The following COL24A1 variants were observed in gnomAD, a reference collection of about 807,000 sequenced individuals.
The protein encoded by COL24A1 is collagen type XXIV alpha 1 chain.
A neutral mutation model predicts 253.9 loss-of-function variants in COL24A1; 224 were observed. The observed-to-expected ratio is 0.88, with a 90% CI of 0.79 to 0.99. COL24A1 has a LOEUF of 0.99. Ranked by LOEUF, COL24A1 falls within the 50% of genes least tolerant of loss-of-function variation. The probability of loss-of-function intolerance (pLI) is 0.00; values close to 1 mark genes in which losing one functional copy is unlikely to be tolerated. For missense variants in COL24A1, 2,131 were observed against 2,068.5 expected (o/e 1.03, Z -0.59); for synonymous variants, 685 against 673.7 (o/e 1.02, Z -0.26).
At chr1:85,860,810 CA>C (rs769551701) in intron 37 of COL24A1, among the ~76,000 whole-genome samples, 70 of 152,314 alleles carry the variant, frequency 4.6e-4, no homozygotes, top group South Asian at 3.3e-3. Flanking sequence ...TTTCATTTAG[CA>C]TAATGTTTTC....
At chr1:85,897,425 AAAAG>A (rs1683855096) in intron 28 of COL24A1, among the ~76,000 whole-genome samples, 1 of 152,116 alleles carries the variant, frequency 6.6e-6, no homozygotes, top group South Asian at 2.1e-4. Context: ...TGAAGAAAAA[AAAAG>A]AAATAAAGTT....
At chr1:85,851,019 A>ATC (rs1677709484) in intron 37 of COL24A1, among the ~76,000 whole-genome samples, 5 of 122,258 alleles carry the variant, frequency 4.1e-5, no homozygotes, top group Admixed American at 2.5e-4. Context: ...ATATATATAT[A>ATC]TCTACATATA....
At chr1:85,999,996 A>G (rs1452118762) in intron 19 of COL24A1, among the ~76,000 whole-genome samples, 1 of 152,204 alleles carries the variant, frequency 6.6e-6, no homozygotes, top group Non-Finnish European at 1.5e-5. Flanking sequence ...CTCTGTGCCA[A>G]CACACAAAAA....
At chr1:85,845,211 CTT>C (rs375874511) in intron 39 of COL24A1, among the ~76,000 whole-genome samples, 97 of 151,880 alleles carry the variant, frequency 6.4e-4, no homozygotes, top group African/African-American at 2.3e-3. Context: ...GTTGATTCAA[CTT>C]TTGGAAATCT....
chr1:85,768,630 A>T (rs1449688847), intron 53 of COL24A1, among the ~76,000 whole-genome samples: 1 of 151,980 alleles, frequency 6.6e-6, no homozygotes, highest in African/African-American at 2.4e-5. Flanking sequence ...AGAATCACAC[A>T]TATTCAGATC....
intron 55 of COL24A1, among the ~76,000 whole-genome samples, chr1:85,757,286 C>T (rs1666365874): frequency 6.6e-6 from 1 of 152,092 alleles, no homozygotes; most frequent in African/African-American, 2.4e-5. Context: ...TATCCTACTT[C>T]TGGCAATTTG....
chr1:85,965,195 T>C, intron 22 of COL24A1, 133 bp from the exon 23 acceptor site: 2 of 669,928 alleles, frequency 3.0e-6, no homozygotes, highest in Non-Finnish European at 4.9e-6. Flanking sequence ...ATAAATGTAT[T>C]TCATCATACT....
intron 31 of COL24A1, among the ~76,000 whole-genome samples, chr1:85,894,792 G>A (rs551314453): frequency 6.6e-6 from 1 of 152,096 alleles, no homozygotes; most frequent in African/African-American, 2.4e-5. Context: ...TTCTGTCTTA[G>A]GTCTCTGGTA....
chr1:85,736,251 T>C (rs759537572), intron 58 of COL24A1: 14 of 454,714 alleles, frequency 3.1e-5, no homozygotes, highest in Middle Eastern at 3.2e-4. Context: ...CCAAGTCTAC[T>C]GTTCATCCCA....
At position 86,048,882 on chromosome 1, in the gene COL24A1, G is replaced by C. The variant is rs532879826; in HGVS notation, c.1905+1242C>G. Among the ~76,000 whole-genome samples the C allele has an allele frequency of 2.0e-5, 3 of 152,290 alleles. No homozygotes were observed. The East Asian group carries it at 5.8e-4, about 29-fold the overall frequency. ...TGGCCAGTGTCAACACTGGGCTTAA[G>C]ATCATTAAATCCAAGATGACAACAT... On this transcript the variant is annotated intron_variant, in intron 11 of 59. Transcript: ENST00000370571.
intron 47 of COL24A1, among the ~76,000 whole-genome samples, chr1:85,813,109 A>T (rs777443680): frequency 1.3e-5 from 2 of 151,826 alleles, no homozygotes; most frequent in Non-Finnish European, 2.9e-5. Flanking sequence ...TAGCAATATG[A>T]ATGTATCTTT....
intron 52 of COL24A1, among the ~76,000 whole-genome samples, chr1:85,778,651 C>A (rs1461174157): frequency 7.0e-6 from 1 of 143,794 alleles, no homozygotes; most frequent in Admixed American, 7.2e-5. Flanking sequence ...ATTGCCCAGG[C>A]TGGAGTGCAA....
At chr1:85,966,343 A>G (rs1691569875) in intron 22 of COL24A1, among the ~76,000 whole-genome samples, 1 of 152,136 alleles carries the variant, frequency 6.6e-6, no homozygotes, top group East Asian at 1.9e-4. Flanking sequence ...CTAAATGGAG[A>G]GATCTTGTGG....
intron 5 of COL24A1, among the ~76,000 whole-genome samples, chr1:86,110,624 G>C (rs1424511154): frequency 6.6e-6 from 1 of 152,062 alleles, no homozygotes; most frequent in African/African-American, 2.4e-5. Context: ...TTCCGGGTGG[G>C]CACAGGCTTG....
At chr1:85,816,728 G>A in intron 47 of COL24A1, 60 bp downstream of exon 47, 1 of 1,400,932 alleles carries the variant, frequency 7.1e-7, no homozygotes, top group Non-Finnish European at 1.0e-6. Flanking sequence ...AATATCTATG[G>A]TCTAGCAAGG....
chr1:86,060,868 G>A lies in COL24A1; in HGVS notation c.1753-1694C>T, dbSNP rs117541964. On this transcript the variant is annotated intron_variant, in intron 8 of 59. Transcript: ENST00000370571. ...CAGAAACCATATGTATGTATTAAAT[G>A]TTCCCCTATTGATATTAAATATTAT... 2.5e-3 allele frequency among the ~76,000 whole-genome samples: 374 copies of A among 151,694 alleles called. 10 individuals carry two copies. In the East Asian group the frequency reaches 0.046, roughly 19 times the overall value.
rs546550995 is a variant in COL24A1 at position 85,745,347 on chromosome 1, T to C, written c.4503+94A>G. The C allele has an allele frequency of 1.3e-5, 9 of 674,536 alleles. No homozygotes were observed. In the South Asian group the frequency reaches 2.2e-4, roughly 17 times the overall value. 41.8% of individuals were successfully genotyped at this position (674,536 alleles called of 1,614,324 possible). ...TTCAATCTGTTTTAAATACAATCTT[T>C]GAGATAATGTCACATTTTGGCCTCC... On this transcript the variant is annotated intron_variant, in intron 56 of 59. Transcript: ENST00000370571.
rs563626736 is a variant in COL24A1, at chr1:85,936,870, C to T, written c.2562+24379G>A. Among the ~76,000 whole-genome samples, 81 of 147,498 alleles carry T rather than the reference C, an allele frequency of 5.5e-4. 6 individuals are homozygous for T. Among genetic ancestry groups the T allele is most frequent in the African/African-American group, 1.9e-3 (76 of 40,274 alleles). On this transcript the variant is annotated intron_variant, in intron 24 of 59. Transcript: ENST00000370571. The stretch of plus-strand genomic sequence containing the variant: ...TTTTGAAAAATGAATTCCAGCATAC[C>T]GGTAGCCTTAGTAGAGTCTGGGCAC...
intron 3 of COL24A1, among the ~76,000 whole-genome samples, chr1:86,122,902 A>G (rs549129948): frequency 1.3e-5 from 2 of 152,116 alleles, no homozygotes; most frequent in African/African-American, 4.8e-5. Context: ...TGAGAACAAG[A>G]TAAAGTTAGA....
Sources: gnomAD v4.1 joint callset for allele counts (sites outside exome capture counted in the v4.1 genomes callset) on GRCh38, gnomAD v4.1.1 for gene constraint, MANE v1.5 for transcripts, NCBI Gene and HGNC (gene_info 2026-07-23, HGNC 2026-07-21) for gene names.